F5: variants seen among roughly 807,000 people sequenced by gnomAD.
F5 encodes the protein activated protein c cofactor.
F5 carries 138 observed loss-of-function variants against 216.4 expected under a neutral mutation model. That is an observed-to-expected ratio of 0.64 (90% confidence interval 0.56 to 0.73). The LOEUF is 0.73. Among genes scored for constraint, F5 ranks in the 30% least tolerant of loss-of-function variants. F5 has a pLI of 0.00. For synonymous variants in F5, 916 were observed against 930.7 expected, an observed-to-expected ratio of 0.98 and a Z score of 0.29; for missense variants, 2,403 against 2,674.0, an observed-to-expected ratio of 0.90 and a Z score of 2.24.
chr1:169,515,842 T>C, intron 23 of F5: 2 of 563,766 alleles, frequency 3.5e-6, no homozygotes, highest in Non-Finnish European at 6.3e-6. Context: ...TGTACTATAA[T>C]TGTTTCCTTC....
intron 3 of F5, among the ~76,000 whole-genome samples, chr1:169,568,995 C>T (rs185354181): frequency 2.5e-4 from 38 of 152,104 alleles, no homozygotes; most frequent in South Asian, 1.2e-3. Flanking sequence ...AGGCAATGGG[C>T]GAATCAATGC....
Position 169,529,618 on chromosome 1 carries a change from A to C in F5, c.5409T>G (p.His1803Gln). 1.2e-6 allele frequency: 2 copies of C among 1,613,580 alleles called. No homozygotes were observed. Among genetic ancestry groups the C allele is most frequent in the African/African-American group, 1.3e-5 (1 of 75,022 alleles). The change falls in exon 16 of 25, where the codon CAT (histidine) becomes CAG (glutamine). Residue 1803 changes from histidine to glutamine, a missense_variant. Physicochemically the swap from His to Gln is conservative, Grantham distance 24. Transcript: ENST00000367797. Reference sequence around the variant, plus strand: ...GTCTGAGGAAAATACCGTGAAACTCATGGGATTTTTTCATTTCTGAGGATG... The same window carrying C: ...GTCTGAGGAAAATACCGTGAAACTCCTGGGATTTTTTCATTTCTGAGGATG... The part of the protein sequence containing the change: ...RLTSSEMKKS[H>Q]EFHAINGMIY...
chr1:169,549,906 T>C lies in F5; in HGVS notation c.1506A>G (p.Thr502=). ...TGTCCACGTCACTGTAGTATGGTCTTGTTAAGCACTGGGCATCATTTTCTG... is the reference window on the plus strand; with the variant it reads ...TGTCCACGTCACTGTAGTATGGTCTCGTTAAGCACTGGGCATCATTTTCTG... ...EPTENDAQCL[T]RPYYSDVDIM... Residue 502 remains threonine, a synonymous_variant, in exon 10 of 25, where the codon ACA becomes ACG. Transcript: ENST00000367797. 1 of 1,614,184 alleles carries C rather than the reference T, an allele frequency of 6.2e-7. No individual in the cohort carries two copies. Among genetic ancestry groups the C allele is most frequent in the Non-Finnish European group, 8.5e-7 (1 of 1,180,014 alleles).
At chr1:169,572,400 G>T (rs1660746671) in intron 2 of F5, 57 bp from the exon 3 acceptor site, 2 of 1,603,252 alleles carry the variant, frequency 1.2e-6, no homozygotes, top group African/African-American at 1.3e-5. Context: ...AGGCAGAGTT[G>T]CTAAGCAAGA....
At position 169,541,598 on chromosome 1, in the gene F5, C is replaced by A. The variant is rs1332033002; in HGVS notation, c.3492G>T (p.Lys1164Asn). The change falls in exon 13 of 25, where the codon AAG becomes AAT. Residue 1164 changes from lysine to asparagine, a missense_variant. Transcript: ENST00000367797. Reference protein sequence around the residue: ...SEMLEYDRSHKSFPTDISQMS... With the variant: ...SEMLEYDRSHNSFPTDISQMS... The stretch of plus-strand genomic sequence containing the variant: ...TTTGACTTATATCTGTGGGGAAGGA[C>A]TTGTGACTTCGGTCATACTCAAGCA... 1 of 1,614,136 alleles carries A rather than the reference C, an allele frequency of 6.2e-7. No individual in the cohort carries two copies. Among genetic ancestry groups the A allele is most frequent in the Non-Finnish European group, 8.5e-7 (1 of 1,180,002 alleles).
At chr1:169,564,633 C>A (rs1660558762) in intron 3 of F5, among the ~76,000 whole-genome samples, 1 of 152,076 alleles carries the variant, frequency 6.6e-6, no homozygotes. Context: ...AAGCCAAAGT[C>A]TGAGATGCTA....
intron 2 of F5, among the ~76,000 whole-genome samples, chr1:169,575,693 T>C (rs1257747046): frequency 1.3e-5 from 2 of 152,066 alleles, no homozygotes; most frequent in Non-Finnish European, 2.9e-5. Flanking sequence ...TCAGTTGCTG[T>C]GGATGGCTGA....
chr1:169,566,514 T>G (rs12402701), intron 3 of F5, among the ~76,000 whole-genome samples: 41,433 of 151,834 alleles, frequency 0.27, 5,988 homozygotes, highest in South Asian at 0.36. Flanking sequence ...ACAGCACTCA[T>G]CGCCATTTGT....
chr1:169,550,249 T>A (rs1660130635), intron 9 of F5, among the ~76,000 whole-genome samples: 2 of 150,212 alleles, frequency 1.3e-5, no homozygotes, highest in African/African-American at 2.4e-5. Context: ...TCATTAACAT[T>A]AGGTATATCT....
At chr1:169,573,163 G>A (rs1272880498) in intron 2 of F5, among the ~76,000 whole-genome samples, 1 of 152,090 alleles carries the variant, frequency 6.6e-6, no homozygotes, top group East Asian at 1.9e-4. Flanking sequence ...GGCCAGGCTG[G>A]TCTCAAACTC....
At chr1:169,571,927 T>C (rs9332526) in intron 3 of F5, among the ~76,000 whole-genome samples, 2,962 of 152,210 alleles carry the variant, frequency 0.019, 83 homozygotes, top group African/African-American at 0.062. Context: ...CATCTTTCAA[T>C]GTATGTATTA....
At position 169,542,460 on chromosome 1, in the gene F5, T is replaced by C; in HGVS notation, c.2630A>G (p.Lys877Arg). ...GPKVERDQAA[K>R]HRFSWMKLLA... ...TAATTTCATCCAGGAGAACCTGTGCTTTGCTGCTTGATCTCTTTCTACCTT... is the reference window on the plus strand; with the variant it reads ...TAATTTCATCCAGGAGAACCTGTGCCTTGCTGCTTGATCTCTTTCTACCTT... Residue 877 changes from lysine (K) to arginine (R), a missense_variant, in exon 13 of 25, where the codon AAG becomes AGG. By Grantham distance (26) the Lys-to-Arg change is conservative. Coordinates refer to ENST00000367797, the MANE Select transcript of F5 (RefSeq NM_000130.5). 1 of 1,614,146 alleles carries C rather than the reference T, an allele frequency of 6.2e-7. No homozygotes were observed. Among genetic ancestry groups the C allele is most frequent in the Non-Finnish European group, 8.5e-7 (1 of 1,180,008 alleles).
intron 8 of F5, 144 bp from the exon 9 acceptor site, chr1:169,550,883 G>C: frequency 1.5e-6 from 1 of 666,032 alleles, no homozygotes; most frequent in South Asian, 1.7e-5. Context: ...CTGTTTATCT[G>C]AGCAGTAACC....
rs1659047331 is a variant in F5 at position 169,512,385 on chromosome 1, G to T, written c.*1928C>A. ...TAAATTCTAGATCAAGAGAGATCCT[G>T]CCCAATTTCAGAGTAGAGAAGCCCA... On this transcript the variant is annotated 3_prime_UTR_variant, in exon 25 of 25. Transcript: ENST00000367797. Among the ~76,000 whole-genome samples, 1 of 151,990 alleles carries T rather than the reference G, an allele frequency of 6.6e-6. No homozygotes were observed. The highest frequency in any genetic ancestry group is 1.5e-5 in the Non-Finnish European group (1 of 67,956).
At chr1:169,577,601 A>ATATG (rs1245326588) in intron 2 of F5, among the ~76,000 whole-genome samples, 11 of 97,138 alleles carry the variant, frequency 1.1e-4, no homozygotes, top group Admixed American at 2.1e-4. Flanking sequence ...ATATATATAT[A>ATATG]TATGTATGTA....
intron 1 of F5, among the ~76,000 whole-genome samples, chr1:169,583,629 G>A (rs1259058509): frequency 6.6e-6 from 1 of 152,158 alleles, no homozygotes; most frequent in Non-Finnish European, 1.5e-5. Context: ...CATAGAGCTG[G>A]CACACTAGAA....
intron 2 of F5, among the ~76,000 whole-genome samples, chr1:169,579,471 G>A (rs1439674003): frequency 6.6e-6 from 1 of 152,078 alleles, no homozygotes; most frequent in African/African-American, 2.4e-5. Context: ...AGCTAGCTCA[G>A]ATCTCTCTTT....
At chr1:169,554,341 A>G (rs6657551) in intron 7 of F5, among the ~76,000 whole-genome samples, 31,990 of 152,202 alleles carry the variant, frequency 0.21, 4,472 homozygotes, top group East Asian at 0.61. Context: ...ATTTAATAAC[A>G]TATCTTGGAG....
chr1:169,578,879 G>C (rs995411749), intron 2 of F5, among the ~76,000 whole-genome samples: 1 of 152,096 alleles, frequency 6.6e-6, no homozygotes. Flanking sequence ...AATGCTTCCT[G>C]CTTCTTCTAA....
Sources: allele counts gnomAD v4.1 joint callset (sites outside exome capture counted in the v4.1 genomes callset), GRCh38; gene constraint gnomAD v4.1.1; transcripts MANE v1.5; gene names NCBI Gene and HGNC (gene_info 2026-07-23, HGNC 2026-07-21).